Variants in DNAJC5 observed in about 807,000 individuals in gnomAD.
The protein encoded by DNAJC5 is DnaJ heat shock protein family (Hsp40) member C5, also known as dnaJ homolog subfamily C member 5.
A neutral mutation model predicts 23.2 loss-of-function variants in DNAJC5; 1 was observed. That is an observed-to-expected ratio of 0.04 (90% CI 0.02 to 0.20). The LOEUF (loss-of-function observed/expected upper bound fraction) is 0.20. DNAJC5 is among the 10% of genes least tolerant of loss of function. The pLI, the probability that DNAJC5 is intolerant of heterozygous loss-of-function variation, is 1.00. For synonymous variants in DNAJC5, 136 were observed against 120.0 expected (o/e 1.13, Z -0.87); for missense variants, 180 against 267.0 (o/e 0.67, Z 2.27).
chr20:63,922,588 A>G (rs2053581858), intron 1 of DNAJC5, among the ~76,000 whole-genome samples: 1 of 151,702 alleles, frequency 6.6e-6, no homozygotes, highest in Non-Finnish European at 1.5e-5. Flanking sequence ...CCTGAGCAAC[A>G]TAGACCCCGT....
At chr20:63,927,998 C>T (rs993718162) in intron 1 of DNAJC5, among the ~76,000 whole-genome samples, 1 of 152,156 alleles carries the variant, frequency 6.6e-6, no homozygotes, top group Non-Finnish European at 1.5e-5. Flanking sequence ...CTCCTGGGCT[C>T]CAGTGCAGTG....
At chr20:63,918,388 G>A (rs559550526) in intron 1 of DNAJC5, among the ~76,000 whole-genome samples, 22 of 152,126 alleles carry the variant, frequency 1.4e-4, no homozygotes, top group Non-Finnish European at 1.9e-4. Flanking sequence ...AGTAAATCCA[G>A]TGCTAGGCCG....
chr20:63,900,989 G>T (rs2053407568), intron 1 of DNAJC5, among the ~76,000 whole-genome samples: 1 of 152,240 alleles, frequency 6.6e-6, no homozygotes, highest in Non-Finnish European at 1.5e-5. Flanking sequence ...GTTTGAGACG[G>T]AGTCTCGCTC....
chr20:63,921,830 G>A (rs1025573787), intron 1 of DNAJC5, among the ~76,000 whole-genome samples: 2 of 151,854 alleles, frequency 1.3e-5, no homozygotes, highest in Non-Finnish European at 2.9e-5. Context: ...CCAGGCTGAC[G>A]TCCAGTGGTG....
chr20:63,935,282 C>T lies in DNAJC5; in HGVS notation c.*3714C>T, dbSNP rs2053708925. 6.6e-6 allele frequency: 1 copy of T among 152,290 alleles called. No homozygotes were observed. The highest frequency in any genetic ancestry group is 6.5e-5 in the Admixed American group (1 of 15,284). The allele number at this position is 152,290 out of a possible 1,614,324, so 9.4% of individuals were successfully genotyped here. A position where few individuals can be genotyped will look rare whatever the true frequency, so the allele number is the denominator to read the frequency against. ...AAGTGACAAGTACAATTAAAGGTGG[C>T]TCTGAAATGGCCTCTGGTTTCTTGG... On this transcript the variant is annotated 3_prime_UTR_variant, in exon 5 of 5. Coordinates refer to ENST00000360864, the MANE Select transcript of DNAJC5 (RefSeq NM_025219.3).
intron 1 of DNAJC5, among the ~76,000 whole-genome samples, chr20:63,915,959 A>G (rs918241947): frequency 2.0e-5 from 3 of 152,226 alleles, no homozygotes; most frequent in African/African-American, 7.2e-5. Context: ...TTTGAGGCAG[A>G]GTCTCGCTTT....
intron 1 of DNAJC5, among the ~76,000 whole-genome samples, chr20:63,900,995 C>T (rs1327104550): frequency 6.6e-6 from 1 of 152,294 alleles, no homozygotes; most frequent in South Asian, 2.1e-4. Flanking sequence ...GACGGAGTCT[C>T]GCTCTGTCAT....
At chr20:63,900,987 C>T (rs545674728) in intron 1 of DNAJC5, among the ~76,000 whole-genome samples, 6 of 152,308 alleles carry the variant, frequency 3.9e-5, no homozygotes, top group South Asian at 2.1e-4. Flanking sequence ...TTGTTTGAGA[C>T]GGAGTCTCGC....
intron 1 of DNAJC5, among the ~76,000 whole-genome samples, chr20:63,910,655 A>G (rs1437468902): frequency 6.7e-6 from 1 of 149,224 alleles, no homozygotes; most frequent in Non-Finnish European, 1.5e-5. Flanking sequence ...TCTCCAAGTA[A>G]TAGGGTTTTG....
chr20:63,913,168 C>T lies in DNAJC5; in HGVS notation c.-11-15167C>T, dbSNP rs149486923. 1.1e-3 allele frequency among the ~76,000 whole-genome samples: 115 copies of T among 103,710 alleles called. 1 individual carries two copies. Among genetic ancestry groups the T allele is most frequent in the African/African-American group, 5.3e-3 (111 of 21,030 alleles). The allele number at this position is 103,710 out of a possible 152,430, so 68.0% of individuals were successfully genotyped here. ...TGCTGTGTCATGCCCGTTTGCTGAC[C>T]CAGCCCCTGCTGTGTCTTCCCCATC... On this transcript the variant is annotated intron_variant, in intron 1 of 4. Transcript: ENST00000360864.
chr20:63,919,155 C>G (rs1346162610), intron 1 of DNAJC5, among the ~76,000 whole-genome samples: 1 of 152,170 alleles, frequency 6.6e-6, no homozygotes, highest in Non-Finnish European at 1.5e-5. Context: ...ATCTTTAAGT[C>G]TTCTGAGGAG....
chr20:63,928,504 C>A lies in DNAJC5; in HGVS notation c.107+52C>A. ...TCCCCCCAGGAAGACACACATGCCC[C>A]GTGTGGTTTAGTCTGCATTTTACCA... On this transcript the variant is annotated intron_variant, in intron 2 of 4. Transcript: ENST00000360864. The surrounding 1 kb of genome is among the most constrained non-coding windows in gnomAD (Gnocchi z 4.6). 6.8e-7 allele frequency: 1 copy of A among 1,469,326 alleles called. No individual in the cohort carries two copies. Among genetic ancestry groups the A allele is most frequent in the South Asian group, 1.1e-5 (1 of 88,020 alleles). 91.0% of individuals were successfully genotyped at this position (1,469,326 alleles called of 1,614,324 possible). A position where few individuals can be genotyped will look rare whatever the true frequency, so the allele number is the denominator to read the frequency against.
chr20:63,931,921 G>A lies in DNAJC5; in HGVS notation c.*353G>A. Reference sequence around the variant, plus strand: ...GTTGGTCCAGTGAGGGGTGACTGCAGCCGGTCAGGTGGGCGAGGAGAAGGG... The same window carrying A: ...GTTGGTCCAGTGAGGGGTGACTGCAACCGGTCAGGTGGGCGAGGAGAAGGG... On this transcript the variant is annotated 3_prime_UTR_variant, in exon 5 of 5. Transcript: ENST00000360864. The surrounding 1 kb of genome is among the most constrained non-coding windows in gnomAD (Gnocchi z 9.6). 2 of 373,810 alleles carry A rather than the reference G, an allele frequency of 5.4e-6. No individual in the cohort carries two copies. The highest frequency in any genetic ancestry group is 1.3e-4 in the East Asian group (2 of 15,354). 23.2% of individuals were successfully genotyped at this position (373,810 alleles called of 1,614,324 possible). A position where few individuals can be genotyped will look rare whatever the true frequency, so the allele number is the denominator to read the frequency against.
rs895377433 is a variant in DNAJC5, at chr20:63,911,679, C to CT, written c.-12+16368dup. ...TGTGTTTCCAGGGACTTTAGGAATTCTTTTTTTTTTTTGAGACAGGGTCTT... is the reference window on the plus strand; with the variant it reads ...TGTGTTTCCAGGGACTTTAGGAATTCTTTTTTTTTTTTTGAGACAGGGTCTT... On this transcript the variant is annotated intron_variant, in intron 1 of 4. Coordinates refer to ENST00000360864, the MANE Select transcript of DNAJC5 (RefSeq NM_025219.3). 4.8e-3 allele frequency among the ~76,000 whole-genome samples: 702 copies of CT among 145,038 alleles called. 7 individuals are homozygous for CT. The highest frequency in any genetic ancestry group is 0.015 in the African/African-American group (594 of 39,790).
intron 1 of DNAJC5, chr20:63,919,544 G>A (rs1421680236): frequency 2.5e-5 from 6 of 241,880 alleles, no homozygotes; most frequent in South Asian, 4.5e-5. Context: ...CGCCACGGAA[G>A]AGGACGCACC....
At chr20:63,902,017 G>C (rs577849784) in intron 1 of DNAJC5, among the ~76,000 whole-genome samples, 15 of 151,496 alleles carry the variant, frequency 9.9e-5, no homozygotes, top group African/African-American at 3.6e-4. Flanking sequence ...AATAAATTTT[G>C]TTAGTTCTTT....
intron 1 of DNAJC5, among the ~76,000 whole-genome samples, chr20:63,921,674 C>G (rs936653339): frequency 3.9e-5 from 6 of 152,104 alleles, no homozygotes; most frequent in African/African-American, 1.2e-4. Context: ...GATGGCAGCT[C>G]GTCACTTGCA....
chr20:63,895,147 T>TCCGCTG lies in DNAJC5; in HGVS notation c.-166_-161dup, dbSNP rs563818595. Reference sequence around the variant, plus strand: ...GGGTGCGTGCGTGAGCGTGCTCGTCTCCGCTGCCGCTGCCGCTGCCGCTGC... The same window carrying TCCGCTG: ...GGGTGCGTGCGTGAGCGTGCTCGTCTCCGCTGCCGCTGCCGCTGCCGCTGCCGCTGC... On this transcript the variant is annotated 5_prime_UTR_variant, in exon 1 of 5. Coordinates refer to ENST00000360864, the MANE Select transcript of DNAJC5 (RefSeq NM_025219.3). 2,846 of 154,148 alleles carry TCCGCTG rather than the reference T, an allele frequency of 0.018. 53 individuals carry two copies. The highest frequency in any genetic ancestry group is 0.046 in the African/African-American group (1,913 of 41,398). 9.5% of individuals were successfully genotyped at this position (154,148 alleles called of 1,614,324 possible).
chr20:63,903,085 A>G (rs1424902170), intron 1 of DNAJC5, among the ~76,000 whole-genome samples: 2 of 151,512 alleles, frequency 1.3e-5, no homozygotes, highest in African/African-American at 2.4e-5. Context: ...CAATCCTCCT[A>G]TCTCAGCCTC....
Sources: gnomAD v4.1 joint callset for allele counts (sites outside exome capture counted in the v4.1 genomes callset) on GRCh38, gnomAD v4.1.1 for gene constraint, Gnocchi (gnomAD v3.1) non-coding constraint, MANE v1.5 for transcripts, NCBI Gene and HGNC (gene_info 2026-07-23, HGNC 2026-07-21) for gene names.